The following SLC43A3 variants were observed in gnomAD, a reference collection of about 807,000 sequenced individuals.
The protein encoded by SLC43A3 is equilibrative nucleobase transporter 1.
In SLC43A3, 33 loss-of-function variants were observed where a neutral mutation model predicts 53.3. The observed-to-expected ratio is 0.62, with a 90% confidence interval of 0.47 to 0.83. The LOEUF is 0.83. Ranked by LOEUF, SLC43A3 falls within the 40% of genes least tolerant of loss-of-function variation. The pLI is 0.00. For synonymous variants in SLC43A3, 236 were observed against 246.2 expected, an observed-to-expected ratio of 0.96 and a Z score of 0.39; for missense variants, 530 against 610.0, an observed-to-expected ratio of 0.87 and a Z score of 1.38.
intron 10 of SLC43A3, 24 bp downstream of exon 10, chr11:57,414,909 C>G: frequency 6.2e-7 from 1 of 1,610,682 alleles, no homozygotes; most frequent in African/African-American, 1.3e-5. Context: ...TGCAGATGGG[C>G]TACCTCCCAG....
rs1328724187 is a variant in SLC43A3, at chr11:57,414,500, C to CT, written c.1060+114dup. On this transcript the variant is annotated intron_variant, in intron 11 of 13. Transcript: ENST00000395124. ...CCAGCCTGGGCAACAGAGTAAGACT[C>CT]TATCACAAAAAAAAAAAAAAAAAAA... The CT allele has an allele frequency of 1.0e-5, 6 of 594,136 alleles. No individual in the cohort carries two copies. The Admixed American group carries it at 1.2e-4, about 12-fold the overall frequency. The allele number at this position is 594,136 out of a possible 1,614,324, so 36.8% of individuals were successfully genotyped here.
At chr11:57,414,135 T>C (rs1009596976) in intron 11 of SLC43A3, among the ~76,000 whole-genome samples, 2 of 152,228 alleles carry the variant, frequency 1.3e-5, no homozygotes, top group Non-Finnish European at 2.9e-5. Context: ...ATCCCTGGTG[T>C]CTGGCACCAT....
intron 7 of SLC43A3, 117 bp from the exon 8 acceptor site, chr11:57,418,004 A>G: frequency 1.1e-6 from 1 of 884,098 alleles, no homozygotes; most frequent in South Asian, 1.6e-5. Context: ...AGCTAAACAT[A>G]ATGTGATCTA....
At chr11:57,413,022 C>G (rs1333047123) in intron 11 of SLC43A3, among the ~76,000 whole-genome samples, 3 of 133,574 alleles carry the variant, frequency 2.2e-5, no homozygotes, top group African/African-American at 8.7e-5. Flanking sequence ...GACAGGAGAA[C>G]AGAGGAAACC....
At chr11:57,410,195 T>C (rs1456211082) in intron 11 of SLC43A3, 74 bp from the exon 12 acceptor site, 4 of 1,252,704 alleles carry the variant, frequency 3.2e-6, no homozygotes, top group East Asian at 5.1e-5. Context: ...CCAAGGAAGA[T>C]TGGAAAAAGG....
intron 11 of SLC43A3, 95 bp downstream of exon 11, chr11:57,414,506 CAAAAAAAAAAAAAA>C (rs397849571): frequency 1.0e-5 from 3 of 287,870 alleles, no homozygotes; most frequent in Admixed American, 4.8e-5. Flanking sequence ...GACTCTATCA[CAAAAAAAAAAAAAA>C]AAAAAAAAAA....
chr11:57,425,449 G>T, intron 4 of SLC43A3, 92 bp downstream of exon 4: 1 of 1,392,006 alleles, frequency 7.2e-7, no homozygotes, highest in Non-Finnish European at 1.0e-6. Context: ...AGGGTGGCCG[G>T]GCTGTCTGAC....
Position 57,417,345 on chromosome 11 carries a change from C to T in SLC43A3, c.671+403G>A, listed in dbSNP as rs371170177. ...GTGCATTTCTGCACTCTTTCAGAAC[C>T]CTGAAATCACGGTGTGAATGAGCCC... On this transcript the variant is annotated intron_variant, in intron 8 of 13. Coordinates refer to ENST00000395124, the MANE Select transcript of SLC43A3 (RefSeq NM_199329.3). 8.5e-5 allele frequency among the ~76,000 whole-genome samples: 13 copies of T among 152,330 alleles called. No homozygotes were observed. The East Asian group carries it at 1.7e-3, about 20-fold the overall frequency.
chr11:57,424,573 C>A (rs1409354009), intron 4 of SLC43A3, among the ~76,000 whole-genome samples: 1 of 151,756 alleles, frequency 6.6e-6, no homozygotes, highest in African/African-American at 2.4e-5. Context: ...CCAAGGTTAT[C>A]AGGCTCCCTT....
chr11:57,425,868 G>T, intron 3 of SLC43A3, 121 bp downstream of exon 3: 1 of 1,336,500 alleles, frequency 7.5e-7, no homozygotes, highest in Non-Finnish European at 1.0e-6. Flanking sequence ...TGGGGTGAGA[G>T]CTGCTGACCC....
chr11:57,407,743 G>C lies in SLC43A3; in HGVS notation c.*49C>G, dbSNP rs750103345. 8.5e-7 allele frequency: 1 copy of C among 1,179,958 alleles called. No homozygotes were observed. The highest frequency in any genetic ancestry group is 1.2e-5 in the South Asian group (1 of 80,316). The allele number at this position is 1,179,958 out of a possible 1,614,324, so 73.1% of individuals were successfully genotyped here. ...GGGACACGAGGTCCTCAAAGGTGGT[G>C]GAAGATGAACAAAACCATCCTCGGG... On this transcript the variant is annotated 3_prime_UTR_variant, in exon 14 of 14. Transcript: ENST00000395124.
Position 57,407,635 on chromosome 11 carries a change from G to A in SLC43A3, c.*157C>T, listed in dbSNP as rs1418141324. The stretch of plus-strand genomic sequence containing the variant: ...GCTTGGCAACTGAGATTCTTTTCTT[G>A]CTGCGCAGACGTCCTTGTGTGTCTT... On this transcript the variant is annotated 3_prime_UTR_variant, in exon 14 of 14. Coordinates refer to ENST00000395124, the MANE Select transcript of SLC43A3 (RefSeq NM_199329.3). The A allele has an allele frequency of 1.7e-6, 1 of 572,526 alleles. No homozygotes were observed. Among genetic ancestry groups the A allele is most frequent in the Non-Finnish European group, 3.1e-6 (1 of 318,288 alleles). The allele number at this position is 572,526 out of a possible 1,614,324, so 35.5% of individuals were successfully genotyped here.
intron 7 of SLC43A3, among the ~76,000 whole-genome samples, chr11:57,419,857 CA>C (rs1325053706): frequency 6.6e-6 from 1 of 151,726 alleles, no homozygotes; most frequent in Admixed American, 6.6e-5. Context: ...CTGGGTTCTC[CA>C]GGGGAAGGAG....
At chr11:57,417,188 C>A (rs904786390) in intron 8 of SLC43A3, among the ~76,000 whole-genome samples, 3 of 152,158 alleles carry the variant, frequency 2.0e-5, no homozygotes, top group Non-Finnish European at 4.4e-5. Context: ...TCTGTATTTC[C>A]CCCAATTTGA....
At chr11:57,413,644 A>C (rs1359489010) in intron 11 of SLC43A3, among the ~76,000 whole-genome samples, 2 of 152,164 alleles carry the variant, frequency 1.3e-5, no homozygotes, top group East Asian at 3.8e-4. Flanking sequence ...AGCAGGTTAA[A>C]ATACCTCAGC....
chr11:57,426,461 G>A (rs113695432), intron 2 of SLC43A3, 109 bp from the exon 3 acceptor site: 13,787 of 435,212 alleles, frequency 0.032, 263 homozygotes, highest in Non-Finnish European at 0.044. Context: ...CATGGCCGCT[G>A]GCAGCAAATG....
rs1241530875 is a variant in SLC43A3 at position 57,426,294 on chromosome 11, G to T, written c.-122C>A. The T allele has an allele frequency of 1.1e-6, 1 of 890,694 alleles. No homozygotes were observed. Among genetic ancestry groups the T allele is most frequent in the Non-Finnish European group, 1.7e-6 (1 of 590,642 alleles). 55.2% of individuals were successfully genotyped at this position (890,694 alleles called of 1,614,324 possible). A position where few individuals can be genotyped will look rare whatever the true frequency, so the allele number is the denominator to read the frequency against. On this transcript the variant is annotated 5_prime_UTR_variant, in exon 3 of 14. An upstream open reading frame in the 5' UTR gains an earlier in-frame stop. Transcript: ENST00000395124. Reference sequence around the variant, plus strand: ...TGGCAAGCCAAGCCCTTCCTTTCCCGTAGCTCTCTGGTTGTTTCAGGCCTG... The same window carrying T: ...TGGCAAGCCAAGCCCTTCCTTTCCCTTAGCTCTCTGGTTGTTTCAGGCCTG...
chr11:57,410,188 AGG>A, intron 11 of SLC43A3, 67 bp from the exon 12 acceptor site: 1 of 1,323,372 alleles, frequency 7.6e-7, no homozygotes, highest in Admixed American at 2.8e-5. Flanking sequence ...CGAAGGGCCA[AGG>A]AAGATTGGAA....
intron 11 of SLC43A3, among the ~76,000 whole-genome samples, chr11:57,412,395 G>T (rs1942515374): frequency 6.6e-6 from 1 of 152,144 alleles, no homozygotes; most frequent in Non-Finnish European, 1.5e-5. Flanking sequence ...GGTCACTAGG[G>T]CACCAACTCA....
Sources: allele counts gnomAD v4.1 joint callset (sites outside exome capture counted in the v4.1 genomes callset), GRCh38; gene constraint gnomAD v4.1.1; transcripts MANE v1.5; gene names NCBI Gene and HGNC (gene_info 2026-07-23, HGNC 2026-07-21).